Variants in CCND3 observed in about 807,000 individuals in gnomAD.
CCND3 encodes G1/S-specific cyclin-D3.
CCND3 carries 9 observed loss-of-function variants against 28.7 expected under a neutral mutation model. The ratio of observed to expected loss-of-function variants is 0.31; its 90% confidence interval spans 0.19 to 0.55. CCND3 has a LOEUF of 0.55. Among genes scored for constraint, CCND3 ranks in the 20% least tolerant of loss-of-function variants. The pLI is 0.93. For synonymous variants in CCND3, 164 were observed against 163.9 expected (o/e 1.00, Z 0.00); for missense variants, 315 against 385.8 (o/e 0.82, Z 1.54).
chr6:42,024,961 G>C (rs866972649), intron 1 of CCND3, among the ~76,000 whole-genome samples: 8 of 152,172 alleles, frequency 5.3e-5, no homozygotes, highest in African/African-American at 1.9e-4. Flanking sequence ...GGGAGGCTGA[G>C]GCAGGAGAAT....
rs1026491874 is a variant in CCND3, at chr6:41,939,018, A to G, written c.414+1352T>C. The stretch of plus-strand genomic sequence containing the variant: ...CACAAACCACCTCCATCTTTTCACA[A>G]AAAGGAAGTTCCCCTTCTACCTTCC... On this transcript the variant is annotated intron_variant, in intron 2 of 4. Transcript: ENST00000372991. This position sits in a 1 kb window ranked among gnomAD's most constrained non-coding sequence, Gnocchi z 4.2. Among the ~76,000 whole-genome samples the G allele has an allele frequency of 7.2e-5, 11 of 152,090 alleles. No individual in the cohort carries two copies. Among genetic ancestry groups the G allele is most frequent in the Non-Finnish European group, 1.2e-4 (8 of 68,000 alleles).
upstream of CCND3, chr6:42,049,016 A>G (rs1764639026): frequency 5.8e-6 from 1 of 172,172 alleles, no homozygotes; most frequent in African/African-American, 2.4e-5. Context: ...AGTAAACAAC[A>G]TCATGAGGAG....
chr6:42,028,015 G>C (rs572207097), intron 1 of CCND3, among the ~76,000 whole-genome samples: 1 of 152,324 alleles, frequency 6.6e-6, no homozygotes, highest in East Asian at 1.9e-4. Context: ...CCAAAGTGCT[G>C]GGATTACAGG....
At chr6:41,989,346 T>C (rs1173533337) in intron 1 of CCND3, among the ~76,000 whole-genome samples, 1 of 149,764 alleles carries the variant, frequency 6.7e-6, no homozygotes, top group Non-Finnish European at 1.5e-5. Flanking sequence ...TAAAAGCTAC[T>C]CGGGAGACTG....
rs180745262 is a variant in CCND3 at position 41,948,472 on chromosome 6, A to C, written c.-45-7887T>G. On this transcript the variant is annotated intron_variant, in intron 1 of 4. Transcript: ENST00000372988. Reference sequence around the variant, plus strand: ...CACCTCAGCTTCCCAAGTAGCTGGGACTATAGGCGTGCACTACCACGTCTG... The same window carrying C: ...CACCTCAGCTTCCCAAGTAGCTGGGCCTATAGGCGTGCACTACCACGTCTG... Among the ~76,000 whole-genome samples, 103 of 152,138 alleles carry C rather than the reference A, an allele frequency of 6.8e-4. 2 individuals are homozygous for C. Among genetic ancestry groups the C allele is most frequent in the African/African-American group, 2.3e-3 (97 of 41,512 alleles).
chr6:41,974,253 C>T (rs1217492693), intron 1 of CCND3, among the ~76,000 whole-genome samples: 2 of 152,178 alleles, frequency 1.3e-5, no homozygotes, highest in Non-Finnish European at 2.9e-5. Flanking sequence ...TTCGTGCACC[C>T]ATACCCCACT....
At chr6:41,948,933 G>A (rs1776237868) in intron 1 of CCND3, among the ~76,000 whole-genome samples, 1 of 152,144 alleles carries the variant, frequency 6.6e-6, no homozygotes, top group Admixed American at 6.5e-5. Context: ...TAAGGGAGCT[G>A]TTGGGGCCAG....
intron 1 of CCND3, among the ~76,000 whole-genome samples, chr6:41,955,258 GA>G (rs1193611273): frequency 2.0e-5 from 3 of 151,562 alleles, no homozygotes; most frequent in South Asian, 2.1e-4. Context: ...AACAATATGT[GA>G]AAAAAAATTA....
At chr6:41,965,989 T>C (rs896506240) in intron 1 of CCND3, among the ~76,000 whole-genome samples, 1 of 152,174 alleles carries the variant, frequency 6.6e-6, no homozygotes, top group Admixed American at 6.6e-5. Context: ...CAAAATAACT[T>C]AGGCCTTTAG....
chr6:42,034,276 T>C (rs953101460), intron 1 of CCND3, among the ~76,000 whole-genome samples: 21 of 151,104 alleles, frequency 1.4e-4, no homozygotes, highest in Non-Finnish European at 2.5e-4. Flanking sequence ...GCCTCCCTAG[T>C]AGCTGGGATT....
At chr6:42,013,616 G>A (rs1763403059) in intron 1 of CCND3, among the ~76,000 whole-genome samples, 1 of 152,198 alleles carries the variant, frequency 6.6e-6, no homozygotes, top group East Asian at 1.9e-4. Flanking sequence ...GAGGTTTGAG[G>A]TGATTGCTTT....
At chr6:41,989,518 A>G (rs570380488) in intron 1 of CCND3, among the ~76,000 whole-genome samples, 1 of 152,086 alleles carries the variant, frequency 6.6e-6, no homozygotes, top group East Asian at 1.9e-4. Context: ...AAGTGGGCAG[A>G]AGAACCAAGC....
In CCND3 at chr6:41,936,197, G is replaced by C; in HGVS notation, c.712-90C>G. On this transcript the variant is annotated intron_variant, in intron 4 of 4. Transcript: ENST00000372991. The surrounding 1 kb of genome is among the most constrained non-coding windows in gnomAD (Gnocchi z 4.4). The stretch of plus-strand genomic sequence containing the variant: ...GGGAAGGACAGCTCCCAACACATGG[G>C]GAAGTCTGGGGAGGTTAGGCCACAG... The C allele has an allele frequency of 7.2e-7, 1 of 1,392,678 alleles. No individual in the cohort carries two copies. The highest frequency in any genetic ancestry group is 9.7e-7 in the Non-Finnish European group (1 of 1,033,976). The allele number at this position is 1,392,678 out of a possible 1,614,324, so 86.3% of individuals were successfully genotyped here. A position where few individuals can be genotyped will look rare whatever the true frequency, so the allele number is the denominator to read the frequency against.
chr6:41,972,687 C>G (rs1203276070), intron 1 of CCND3, among the ~76,000 whole-genome samples: 3 of 151,936 alleles, frequency 2.0e-5, no homozygotes, highest in Non-Finnish European at 4.4e-5. Flanking sequence ...GCCTCCTTGT[C>G]TGTTTTGGGT....
At chr6:41,997,172 GCTGTTCCAT>G (rs1762833240) in intron 1 of CCND3, among the ~76,000 whole-genome samples, 1 of 152,194 alleles carries the variant, frequency 6.6e-6, no homozygotes, top group Non-Finnish European at 1.5e-5. Context: ...TAGCTTGAAT[GCTGTTCCAT>G]CTCTTCCTCC....
intron 1 of CCND3, among the ~76,000 whole-genome samples, chr6:41,965,317 C>T (rs1761860298): frequency 6.6e-6 from 1 of 152,074 alleles, no homozygotes; most frequent in African/African-American, 2.4e-5. Context: ...ATCCGCCTGC[C>T]CCGGCCTCCC....
At chr6:42,035,682 C>CTT (rs70987564) in intron 1 of CCND3, among the ~76,000 whole-genome samples, 52 of 134,026 alleles carry the variant, frequency 3.9e-4, no homozygotes, top group Non-Finnish European at 4.7e-4. Context: ...CTTTTCTTTT[C>CTT]TTTTTTTTTT....
chr6:42,036,389 ATATATATATATATATTTTTT>A (rs1312651322), intron 1 of CCND3, among the ~76,000 whole-genome samples: 461 of 38,794 alleles, frequency 0.012, 8 homozygotes, highest in African/African-American at 0.041. Context: ...ATATATATAT[ATATATATATATATATTTTTT>A]TTTTTTTTTT....
intron 1 of CCND3, among the ~76,000 whole-genome samples, chr6:42,003,825 C>T (rs1763093571): frequency 6.7e-6 from 1 of 150,356 alleles, no homozygotes; most frequent in African/African-American, 2.4e-5. Context: ...GACTGTAGTC[C>T]CAGTTACTAA....
Sources: gnomAD v4.1 joint callset for allele counts (sites outside exome capture counted in the v4.1 genomes callset) on GRCh38, gnomAD v4.1.1 for gene constraint, Gnocchi (gnomAD v3.1) non-coding constraint, MANE v1.5 for transcripts, NCBI Gene and HGNC (gene_info 2026-07-23, HGNC 2026-07-21) for gene names.